Variants in PCDH15 observed in about 807,000 individuals in gnomAD.
PCDH15 encodes the protein protocadherin-15.
In PCDH15, 129 loss-of-function variants were observed where a neutral mutation model predicts 178.5. That is an observed-to-expected ratio of 0.72 (90% CI 0.63 to 0.84). The LOEUF (loss-of-function observed/expected upper bound fraction) is 0.84. Ranked by LOEUF, PCDH15 falls within the 40% of genes least tolerant of loss-of-function variation. The probability of loss-of-function intolerance (pLI) is 0.00; values close to 1 mark genes in which losing one functional copy is unlikely to be tolerated. For synonymous variants in PCDH15, 800 were observed against 732.0 expected (o/e 1.09, Z -1.50); for missense variants, 2,230 against 2,099.9 (o/e 1.06, Z -1.21).
chr10:54,341,378 C>T (rs530367590), intron 6 of PCDH15, among the ~76,000 whole-genome samples: 1 of 152,272 alleles, frequency 6.6e-6, no homozygotes, highest in South Asian at 2.1e-4. Flanking sequence ...GCTCTTTCTG[C>T]CTCCTGCTGC....
At chr10:55,261,007 G>A (rs1417854907) in intron 1 of PCDH15, among the ~76,000 whole-genome samples, 2 of 151,726 alleles carry the variant, frequency 1.3e-5, no homozygotes, top group East Asian at 3.9e-4. Flanking sequence ...GATGCTTCTG[G>A]GGTAATGTGA....
intron 26 of PCDH15, among the ~76,000 whole-genome samples, chr10:53,894,943 C>T (rs957063043): frequency 2.0e-5 from 3 of 152,150 alleles, no homozygotes; most frequent in Non-Finnish European, 2.9e-5. Context: ...AGCTTGGTCT[C>T]GGAAGCAGAA....
intron 2 of PCDH15, among the ~76,000 whole-genome samples, chr10:55,030,265 T>C (rs1003652391): frequency 6.6e-6 from 1 of 152,162 alleles, no homozygotes; most frequent in Admixed American, 6.5e-5. Context: ...GCCATTATCA[T>C]CATGTGTGGG....
chr10:55,295,640 G>A (rs1321882346), intron 1 of PCDH15, among the ~76,000 whole-genome samples: 1 of 152,152 alleles, frequency 6.6e-6, no homozygotes, highest in African/African-American at 2.4e-5. Flanking sequence ...TAAGATGCAT[G>A]CTTTCACTCC....
At chr10:54,948,292 A>T (rs1838241473) in intron 2 of PCDH15, among the ~76,000 whole-genome samples, 1 of 151,996 alleles carries the variant, frequency 6.6e-6, no homozygotes, top group African/African-American at 2.4e-5. Context: ...GAAGAGACTG[A>T]TGCCCTACTC....
intron 2 of PCDH15, among the ~76,000 whole-genome samples, chr10:55,043,942 C>T (rs1056551718): frequency 1.6e-4 from 25 of 151,836 alleles, no homozygotes; most frequent in African/African-American, 5.8e-4. Flanking sequence ...AAAGATTGAA[C>T]GGTAAAAAGC....
intron 3 of PCDH15, among the ~76,000 whole-genome samples, chr10:54,453,163 C>T (rs1429036955): frequency 6.6e-6 from 1 of 152,086 alleles, no homozygotes; most frequent in South Asian, 2.1e-4. Context: ...GGGTATATAC[C>T]CAAAGGATTA....
At chr10:54,002,726 A>G (rs12356913) in intron 20 of PCDH15, among the ~76,000 whole-genome samples, 51,177 of 152,066 alleles carry the variant, frequency 0.34, 10,452 homozygotes, top group Middle Eastern at 0.56. Context: ...GGACTTTCAC[A>G]AAAGACCCCT....
At position 54,687,757 on chromosome 10, in the gene PCDH15, T is replaced by C. The variant is rs146375541; in HGVS notation, c.-28-23467A>G. Among the ~76,000 whole-genome samples, 322 of 152,252 alleles carry C rather than the reference T, an allele frequency of 2.1e-3. 1 individual carries two copies. Among genetic ancestry groups the C allele is most frequent in the African/African-American group, 7.0e-3 (289 of 41,564 alleles). ...CTGCTTTTTGGTATAAGTCTCCACT[T>C]GTCATGGTGGAAGTCAGAATTGAGT... is the stretch of plus-strand genomic sequence containing the variant. On this transcript the variant is annotated intron_variant, in intron 1 of 37. Transcript: ENST00000644397.
intron 25 of PCDH15, among the ~76,000 whole-genome samples, chr10:53,930,795 T>C (rs1252815506): frequency 1.3e-5 from 2 of 152,254 alleles, no homozygotes; most frequent in East Asian, 3.9e-4. Context: ...ATCAGGGAGA[T>C]GGATTTGAAA....
At chr10:53,816,733 T>A (rs2076072635) in intron 34 of PCDH15, among the ~76,000 whole-genome samples, 2 of 152,162 alleles carry the variant, frequency 1.3e-5, no homozygotes, top group African/African-American at 4.8e-5. Flanking sequence ...CACAAAACGA[T>A]AAAGTTGTAA....
At chr10:54,028,620 G>A (rs2093192709) in intron 18 of PCDH15, among the ~76,000 whole-genome samples, 1 of 148,320 alleles carries the variant, frequency 6.7e-6, no homozygotes, top group Non-Finnish European at 1.5e-5. Context: ...AAAAAATGAT[G>A]AGTTCATGTC....
chr10:54,855,131 A>G (rs1953714266), intron 3 of PCDH15, among the ~76,000 whole-genome samples: 1 of 152,240 alleles, frequency 6.6e-6, no homozygotes. Context: ...AGAACAAAGC[A>G]AGTACCAACA....
chr10:54,427,226 T>A (rs1364841897), intron 3 of PCDH15, among the ~76,000 whole-genome samples: 2 of 151,056 alleles, frequency 1.3e-5, no homozygotes, highest in African/African-American at 4.9e-5. Flanking sequence ...TTATTTCTCC[T>A]TATTTCTTCA....
At chr10:54,408,761 G>C (rs1953041023) in intron 3 of PCDH15, among the ~76,000 whole-genome samples, 3 of 152,126 alleles carry the variant, frequency 2.0e-5, no homozygotes, top group Admixed American at 2.0e-4. Context: ...TACTATGAAG[G>C]GGACAGGTGT....
chr10:55,253,875 T>C (rs1378549683), intron 1 of PCDH15, among the ~76,000 whole-genome samples: 1 of 152,200 alleles, frequency 6.6e-6, no homozygotes, highest in Non-Finnish European at 1.5e-5. Context: ...TGCAAAGTAG[T>C]CAACCGTGAA....
chr10:55,284,549 G>A (rs1449996616), intron 1 of PCDH15, among the ~76,000 whole-genome samples: 1 of 144,824 alleles, frequency 6.9e-6, no homozygotes, highest in Non-Finnish European at 1.5e-5. Context: ...TCTGACCTTT[G>A]CACTTGTTTT....
Position 55,590,062 on chromosome 10 carries a change from C to T in PCDH15, c.-156+37563G>A, listed in dbSNP as rs994347175. On this transcript the variant is annotated intron_variant, in intron 2 of 5. Coordinates refer to the PCDH15 transcript ENST00000613346. ...ACAATAGCAAAGACTTGGAACCAAC[C>T]CAAATGTCCAACAATGATAGACTGG... 4.8e-3 allele frequency among the ~76,000 whole-genome samples: 713 copies of T among 148,478 alleles called. 6 individuals are homozygous for T. The highest frequency in any genetic ancestry group is 0.015 in the African/African-American group (613 of 40,588).
Position 54,951,971 on chromosome 10 carries a change from T to C in PCDH15, c.-79-54471A>G, listed in dbSNP as rs143160859. Reference sequence around the variant, plus strand: ...CTCTATCAGATAATTATGTTGAAAATTGCCTCCTCAATCCGTGGCTTCTCT... The same window carrying C: ...CTCTATCAGATAATTATGTTGAAAACTGCCTCCTCAATCCGTGGCTTCTCT... On this transcript the variant is annotated intron_variant, in intron 2 of 5. Coordinates refer to the PCDH15 transcript ENST00000458638. 6.3e-3 allele frequency among the ~76,000 whole-genome samples: 954 copies of C among 151,968 alleles called. 6 individuals carry two copies. Among genetic ancestry groups the C allele is most frequent in the African/African-American group, 0.022 (918 of 41,518 alleles).
Sources: allele counts gnomAD v4.1 joint callset (sites outside exome capture counted in the v4.1 genomes callset), GRCh38; gene constraint gnomAD v4.1.1; transcripts MANE v1.5; gene names NCBI Gene and HGNC (gene_info 2026-07-23, HGNC 2026-07-21).